Variants in TRMT11 observed in about 807,000 individuals in gnomAD.
The protein encoded by TRMT11 is tRNA methyltransferase 11, also known as tRNA (guanine(10)-N(2))-methyltransferase TRMT11.
TRMT11 carries 53 observed loss-of-function variants against 62.8 expected under a neutral mutation model. The ratio of observed to expected loss-of-function variants is 0.84; its 90% CI spans 0.68 to 1.06. The LOEUF (loss-of-function observed/expected upper bound fraction) is 1.06, where lower values mean the gene tolerates loss of function less well. Ranked by LOEUF, TRMT11 falls within the 50% of genes least tolerant of loss-of-function variation. The probability of loss-of-function intolerance (pLI) is 0.00; values close to 1 mark genes in which losing one functional copy is unlikely to be tolerated. For synonymous variants in TRMT11, 188 were observed against 190.3 expected (o/e 0.99, Z 0.10); for missense variants, 556 against 553.4 (o/e 1.00, Z -0.05).
At chr6:126,007,722 T>C (rs1793571153) in intron 7 of TRMT11, among the ~76,000 whole-genome samples, 1 of 152,008 alleles carries the variant, frequency 6.6e-6, no homozygotes, top group African/African-American at 2.4e-5. Flanking sequence ...CAGATTGTAT[T>C]GGGACAGTTG....
At chr6:126,042,565 G>A (rs139684401), downstream of TRMT11, among the ~76,000 whole-genome samples, 52 of 152,214 alleles carry the variant, frequency 3.4e-4, no homozygotes, top group African/African-American at 1.2e-3. Context: ...TTAAAATTTG[G>A]AAGTTCTTAC....
chr6:126,193,912 T>C (rs1778634753), intron 1 of TRMT11, among the ~76,000 whole-genome samples: 1 of 152,214 alleles, frequency 6.6e-6, no homozygotes, highest in Admixed American at 6.5e-5. Context: ...AAATTTTCCT[T>C]ATAATTTCTT....
chr6:126,228,744 C>A, the TRMT11 span, among the ~76,000 whole-genome samples: 11 of 152,236 alleles, frequency 7.2e-5, no homozygotes, highest in Admixed American at 2.0e-4. Context: ...CTGGGTACAG[C>A]ACACCATTTT....
intron 17 of TRMT11, among the ~76,000 whole-genome samples, chr6:126,093,589 A>G (rs7758673): frequency 0.15 from 4,065 of 27,444 alleles, 415 homozygotes; most frequent in African/African-American, 0.42. Flanking sequence ...ATGTATGTAT[A>G]TATATATATA....
At chr6:126,121,925 T>C (rs1777654610) in intron 21 of TRMT11, among the ~76,000 whole-genome samples, 1 of 152,086 alleles carries the variant, frequency 6.6e-6, no homozygotes, top group African/African-American at 2.4e-5. Context: ...GGCTCTGATA[T>C]GGTTTGGCAG....
chr6:126,022,484 C>T (rs115478713), intron 12 of TRMT11, among the ~76,000 whole-genome samples: 1,774 of 152,168 alleles, frequency 0.012, 27 homozygotes, highest in African/African-American at 0.04. Flanking sequence ...TCATTGTTTT[C>T]GTCCTTTTTA....
chr6:126,157,293 C>A (rs1478293953), intron 21 of TRMT11, among the ~76,000 whole-genome samples: 3 of 152,276 alleles, frequency 2.0e-5, no homozygotes, highest in African/African-American at 7.2e-5. Flanking sequence ...TCTTTCTTTT[C>A]TACTCTGGGA....
chr6:126,205,726 T>TTCTTTTC (rs1778782688), downstream of TRMT11, among the ~76,000 whole-genome samples: 1 of 152,146 alleles, frequency 6.6e-6, no homozygotes, highest in Admixed American at 6.5e-5. Context: ...TTTTTTCTTG[T>TTCTTTTC]GTATTCTTAT....
downstream of TRMT11, among the ~76,000 whole-genome samples, chr6:126,207,379 C>G (rs746080159): frequency 6.6e-6 from 1 of 152,066 alleles, no homozygotes; most frequent in Non-Finnish European, 1.5e-5. Flanking sequence ...ACTGGAAGAC[C>G]AACAGAGATG....
At chr6:126,229,914 C>CT in the TRMT11 span, among the ~76,000 whole-genome samples, 1 of 152,026 alleles carries the variant, frequency 6.6e-6, no homozygotes, top group Non-Finnish European at 1.5e-5. Flanking sequence ...AATCTAACTT[C>CT]TTTTTTTCAT....
At chr6:126,008,283 C>A in intron 7 of TRMT11, 109 bp from the exon 8 acceptor site, 1 of 923,230 alleles carries the variant, frequency 1.1e-6, no homozygotes, top group South Asian at 1.3e-5. Context: ...CAATGTCATT[C>A]CAGGATACTC....
chr6:126,056,135 C>G (rs1033623698), intron 17 of TRMT11, among the ~76,000 whole-genome samples: 2 of 152,128 alleles, frequency 1.3e-5, no homozygotes, highest in African/African-American at 4.8e-5. Flanking sequence ...TGTCTTATTT[C>G]GCACTGTTAA....
At chr6:126,204,582 T>C (rs1376880583), downstream of TRMT11, among the ~76,000 whole-genome samples, 4 of 152,354 alleles carry the variant, frequency 2.6e-5, no homozygotes, top group African/African-American at 9.6e-5. Flanking sequence ...TCTGTACTTA[T>C]ATGTATGTGT....
intron 19 of TRMT11, among the ~76,000 whole-genome samples, chr6:126,115,292 G>C (rs1369788446): frequency 6.6e-6 from 1 of 152,034 alleles, no homozygotes; most frequent in Non-Finnish European, 1.5e-5. Flanking sequence ...TGTAGTTCTT[G>C]ACTTTGCCTG....
intron 17 of TRMT11, among the ~76,000 whole-genome samples, chr6:126,063,823 AAAT>A (rs1776607372): frequency 1.3e-5 from 2 of 152,212 alleles, no homozygotes; most frequent in African/African-American, 2.4e-5. Flanking sequence ...CCCAGGGTAG[AAAT>A]CTGGGAGGAT....
chr6:126,023,822 C>T (rs1426306618), intron 12 of TRMT11, among the ~76,000 whole-genome samples: 1 of 152,178 alleles, frequency 6.6e-6, no homozygotes, highest in Non-Finnish European at 1.5e-5. Flanking sequence ...GTTCTCAGAG[C>T]TGTTTATGCC....
At chr6:126,011,629 T>C (rs935309065) in intron 9 of TRMT11, among the ~76,000 whole-genome samples, 2 of 152,192 alleles carry the variant, frequency 1.3e-5, no homozygotes, top group Non-Finnish European at 2.9e-5. Flanking sequence ...TAAACAAATA[T>C]ATTGGCTTGC....
At chr6:126,048,197 A>T (rs921390107) in intron 16 of TRMT11, among the ~76,000 whole-genome samples, 7 of 152,292 alleles carry the variant, frequency 4.6e-5, no homozygotes, top group African/African-American at 1.7e-4. Context: ...TCTTTCACTG[A>T]TAGATTGGCT....
downstream of TRMT11, among the ~76,000 whole-genome samples, chr6:126,044,246 G>A (rs1775979875): frequency 2.6e-5 from 4 of 152,124 alleles, no homozygotes; most frequent in Non-Finnish European, 1.5e-5. Context: ...GTGTAAGGAA[G>A]GGATCCAGTT....
Sources: allele counts gnomAD v4.1 joint callset (sites outside exome capture counted in the v4.1 genomes callset), GRCh38; gene constraint gnomAD v4.1.1; transcripts MANE v1.5; gene names NCBI Gene and HGNC (gene_info 2026-07-23, HGNC 2026-07-21).